KDM4C: variants seen among roughly 807,000 people sequenced by gnomAD.
The protein encoded by KDM4C is lysine-specific demethylase 4C.
A neutral mutation model predicts 129.3 loss-of-function variants in KDM4C; 81 were observed. The observed-to-expected ratio is 0.63, with a 90% CI of 0.52 to 0.75. The LOEUF is 0.75. KDM4C is among the 30% of genes least tolerant of loss of function. KDM4C has a pLI of 0.00. For synonymous variants in KDM4C, 573 were observed against 456.1 expected, an observed-to-expected ratio of 1.26 and a Z score of -3.26; for missense variants, 1,457 against 1,304.0, an observed-to-expected ratio of 1.12 and a Z score of -1.81.
chr9:6,984,598 A>G (rs962489831), intron 10 of KDM4C, among the ~76,000 whole-genome samples, 194 bp downstream of exon 10: 3 of 152,216 alleles, frequency 2.0e-5, no homozygotes, highest in African/African-American at 7.2e-5. Flanking sequence ...TGCTATGTGT[A>G]GCAGAATTGT....
intron 8 of KDM4C, among the ~76,000 whole-genome samples, chr9:6,960,558 C>G (rs952367235): frequency 2.6e-5 from 4 of 151,844 alleles, no homozygotes; most frequent in African/African-American, 7.3e-5. Flanking sequence ...TGTGCGTGGC[C>G]TATAAAAAGG....
At chr9:7,146,896 G>A (rs1842267757) in intron 19 of KDM4C, among the ~76,000 whole-genome samples, 1 of 152,122 alleles carries the variant, frequency 6.6e-6, no homozygotes, top group Non-Finnish European at 1.5e-5. Context: ...TCGTAGTCAG[G>A]GTTCTTGGCT....
chr9:6,727,597 T>TA lies in KDM4C; in HGVS notation c.49+6610dup, dbSNP rs528302011. ...CGGTGAAACTCAGTCTCTACTAAAA[T>TA]AAAAAAAAAACTTGTACTAGTGTTG... is the stretch of plus-strand genomic sequence containing the variant. On this transcript the variant is annotated intron_variant, in intron 1 of 17. Transcript: ENST00000536108. Among the ~76,000 whole-genome samples, 239 of 86,524 alleles carry TA rather than the reference T, an allele frequency of 2.8e-3. 53 individuals carry two copies. Among genetic ancestry groups the TA allele is most frequent in the Middle Eastern group, 0.022 (4 of 180 alleles). The allele number at this position is 86,524 out of a possible 152,430, so 56.8% of individuals were successfully genotyped here. A position where few individuals can be genotyped will look rare whatever the true frequency, so the allele number is the denominator to read the frequency against.
At chr9:7,128,798 G>A (rs984485738) in intron 19 of KDM4C, among the ~76,000 whole-genome samples, 1 of 152,172 alleles carries the variant, frequency 6.6e-6, no homozygotes, top group African/African-American at 2.4e-5. Flanking sequence ...GCGCGTGTGT[G>A]TGTGTCTGGC....
intron 1 of KDM4C, among the ~76,000 whole-genome samples, chr9:6,781,202 A>G (rs1470806952): frequency 2.0e-5 from 3 of 152,118 alleles, no homozygotes; most frequent in Non-Finnish European, 4.4e-5. Flanking sequence ...TGGTCTTATT[A>G]CAAGGGCCAA....
intron 2 of KDM4C, 149 bp from the exon 3 acceptor site, chr9:6,805,450 T>C (rs1033107151): frequency 2.0e-5 from 12 of 592,784 alleles, no homozygotes; most frequent in Non-Finnish European, 3.1e-5. Flanking sequence ...TATTGCTTTA[T>C]TGCAAATATT....
chr9:6,786,249 G>C (rs150417760), intron 1 of KDM4C, among the ~76,000 whole-genome samples: 1 of 152,118 alleles, frequency 6.6e-6, no homozygotes, highest in African/African-American at 2.4e-5. Flanking sequence ...ATAAAGACAC[G>C]TTCTCATTAG....
chr9:6,868,107 C>T (rs973322513), intron 5 of KDM4C, among the ~76,000 whole-genome samples: 13 of 151,934 alleles, frequency 8.6e-5, no homozygotes, highest in Admixed American at 5.2e-4. Flanking sequence ...GAAGCTTTCT[C>T]GCACCAAACC....
chr9:7,073,749 C>T (rs1433943491), intron 17 of KDM4C, among the ~76,000 whole-genome samples: 1 of 152,188 alleles, frequency 6.6e-6, no homozygotes, highest in Non-Finnish European at 1.5e-5. Flanking sequence ...TGAACATATC[C>T]TCACATGGTA....
chr9:6,774,067 T>C (rs371946164), intron 1 of KDM4C, among the ~76,000 whole-genome samples: 29 of 152,076 alleles, frequency 1.9e-4, no homozygotes, highest in African/African-American at 5.6e-4. Flanking sequence ...TTTGTACTTT[T>C]AGTAGAGACG....
chr9:6,896,445 G>A (rs1361934437), intron 8 of KDM4C, among the ~76,000 whole-genome samples: 2 of 151,010 alleles, frequency 1.3e-5, no homozygotes, highest in Non-Finnish European at 3.0e-5. Flanking sequence ...CATTATATGT[G>A]CATATATGTA....
chr9:6,904,949 T>A (rs887777069), intron 8 of KDM4C, among the ~76,000 whole-genome samples: 3 of 152,018 alleles, frequency 2.0e-5, no homozygotes, highest in African/African-American at 7.2e-5. Context: ...GAGGGCTACA[T>A]TAAACAAAAA....
At chr9:6,734,578 G>C (rs1159092408) in intron 1 of KDM4C, 1 of 215,450 alleles carries the variant, frequency 4.6e-6, no homozygotes, top group Non-Finnish European at 9.1e-6. Context: ...ACAGGAGTGT[G>C]TCACCATGCC....
chr9:6,809,631 A>G (rs1830775256), intron 3 of KDM4C, among the ~76,000 whole-genome samples: 1 of 152,232 alleles, frequency 6.6e-6, no homozygotes, highest in Admixed American at 6.5e-5. Context: ...TTTTGTAGGC[A>G]CTATTGAGAT....
intron 4 of KDM4C, among the ~76,000 whole-genome samples, chr9:6,834,043 CTTT>C (rs71487860): frequency 1.8e-5 from 2 of 109,478 alleles, no homozygotes; most frequent in African/African-American, 3.7e-5. Context: ...AAGAGATAGT[CTTT>C]TTTTTTTTTT....
intron 15 of KDM4C, among the ~76,000 whole-genome samples, chr9:7,026,929 T>C (rs1016701135): frequency 2.6e-5 from 4 of 152,108 alleles, no homozygotes; most frequent in East Asian, 1.9e-4. Flanking sequence ...GAATTTCTAC[T>C]TGATTCTTTT....
At chr9:6,894,784 A>T (rs1345415935) in intron 8 of KDM4C, among the ~76,000 whole-genome samples, 4 of 152,194 alleles carry the variant, frequency 2.6e-5, no homozygotes, top group Non-Finnish European at 4.4e-5. Flanking sequence ...AGCCCATCAC[A>T]GTTGTGGGAA....
At chr9:6,868,822 T>C (rs919045669) in intron 5 of KDM4C, among the ~76,000 whole-genome samples, 8 of 152,050 alleles carry the variant, frequency 5.3e-5, no homozygotes, top group Non-Finnish European at 8.8e-5. Flanking sequence ...TTTGGAGAGG[T>C]CAGGAAAGCT....
intron 15 of KDM4C, among the ~76,000 whole-genome samples, chr9:7,036,847 G>C (rs1827740522): frequency 6.6e-6 from 1 of 152,158 alleles, no homozygotes; most frequent in East Asian, 1.9e-4. Context: ...GCACATCATG[G>C]TGATTAATAG....
Sources: gnomAD v4.1 joint callset for allele counts (sites outside exome capture counted in the v4.1 genomes callset) on GRCh38, gnomAD v4.1.1 for gene constraint, MANE v1.5 for transcripts, NCBI Gene and HGNC (gene_info 2026-07-23, HGNC 2026-07-21) for gene names.